PRKAR1B: variants seen among roughly 807,000 people sequenced by gnomAD.
PRKAR1B encodes the protein protein kinase cAMP-dependent type I regulatory subunit beta.
A neutral mutation model predicts 46.5 loss-of-function variants in PRKAR1B; 22 were observed. The ratio of observed to expected loss-of-function variants is 0.47; its 90% CI spans 0.34 to 0.68. PRKAR1B has a LOEUF of 0.68. Among genes scored for constraint, PRKAR1B ranks in the 30% least tolerant of loss-of-function variants. The pLI is 0.01. For synonymous variants in PRKAR1B, 259 were observed against 217.7 expected, an observed-to-expected ratio of 1.19 and a Z score of -1.67; for missense variants, 445 against 535.6, an observed-to-expected ratio of 0.83 and a Z score of 1.67.
chr7:598,049 C>T lies in PRKAR1B; in HGVS notation c.550-1745G>A, dbSNP rs9691589. Among the ~76,000 whole-genome samples the T allele has an allele frequency of 4.9e-3, 743 of 152,312 alleles. 10 individuals are homozygous for T. The highest frequency in any genetic ancestry group is 0.017 in the African/African-American group (698 of 41,570). On this transcript the variant is annotated intron_variant, in intron 6 of 10. Coordinates refer to ENST00000537384, the MANE Select transcript of PRKAR1B (RefSeq NM_001164760.2). ...AGGTGACGGACTCCAGGGTCCACAGCACGTCGTGCTGCCAGGAGCATCCCT... is the reference window on the plus strand; with the variant it reads ...AGGTGACGGACTCCAGGGTCCACAGTACGTCGTGCTGCCAGGAGCATCCCT...
At chr7:646,789 C>T (rs1328041364) in intron 4 of PRKAR1B, among the ~76,000 whole-genome samples, 1 of 152,228 alleles carries the variant, frequency 6.6e-6, no homozygotes, top group Non-Finnish European at 1.5e-5. Flanking sequence ...GTTAACCAAA[C>T]TAAATTAAAA....
At chr7:588,516 A>ATGGTGG (rs1780736396) in intron 7 of PRKAR1B, among the ~76,000 whole-genome samples, 1 of 114,962 alleles carries the variant, frequency 8.7e-6, no homozygotes, top group African/African-American at 3.4e-5. Context: ...GGTGATCACG[A>ATGGTGG]TGATGGTGGT....
intron 2 of PRKAR1B, among the ~76,000 whole-genome samples, chr7:681,174 C>T (rs1357975744): frequency 6.6e-6 from 1 of 152,022 alleles, no homozygotes; most frequent in African/African-American, 2.4e-5. Flanking sequence ...GCTCTGCTTC[C>T]CCCCTGCTGC....
intron 9 of PRKAR1B, among the ~76,000 whole-genome samples, chr7:559,579 G>C (rs1320201848): frequency 6.6e-6 from 1 of 152,164 alleles, no homozygotes; most frequent in Non-Finnish European, 1.5e-5. Flanking sequence ...TCATAGCCCA[G>C]ACCAGAGACC....
At chr7:669,636 C>T (rs540966917) in intron 4 of PRKAR1B, among the ~76,000 whole-genome samples, 3 of 149,852 alleles carry the variant, frequency 2.0e-5, no homozygotes, top group East Asian at 2.0e-4. Flanking sequence ...TGGTGGCGCA[C>T]ACCTGTAATC....
chr7:688,403 CA>C (rs1255374596), intron 2 of PRKAR1B, among the ~76,000 whole-genome samples: 4,512 of 132,776 alleles, frequency 0.034, 95 homozygotes, highest in Non-Finnish European at 0.051. Context: ...GACTCCATCT[CA>C]AAAAAAAAAA....
At chr7:655,355 AG>A (rs1300117067) in intron 4 of PRKAR1B, among the ~76,000 whole-genome samples, 1 of 152,178 alleles carries the variant, frequency 6.6e-6, no homozygotes, top group African/African-American at 2.4e-5. Context: ...TTGGACAACC[AG>A]GCATGCCCCT....
chr7:637,406 G>A (rs1784173641), intron 4 of PRKAR1B, among the ~76,000 whole-genome samples: 1 of 151,116 alleles, frequency 6.6e-6, no homozygotes, highest in Non-Finnish European at 1.5e-5. Flanking sequence ...GAAGGAGTAA[G>A]ACTCTGTCTC....
chr7:678,625 C>T (rs1396718016), intron 3 of PRKAR1B, among the ~76,000 whole-genome samples: 1 of 152,252 alleles, frequency 6.6e-6, no homozygotes, highest in Non-Finnish European at 1.5e-5. Flanking sequence ...GTGAGACCTC[C>T]TGTTGTGCCT....
Position 560,993 on chromosome 7 carries a change from G to A in PRKAR1B, c.892-9523C>T, listed in dbSNP as rs1778749735. Among the ~76,000 whole-genome samples the A allele has an allele frequency of 1.3e-5, 2 of 152,096 alleles. No individual in the cohort carries two copies. Among genetic ancestry groups the A allele is most frequent in the Admixed American group, 6.5e-5 (1 of 15,274 alleles). Reference sequence around the variant, plus strand: ...GCCTGTGTGCTTCTGGACTTAGGCAGAAGCAGAATCCTATACATACACACA... The same window carrying A: ...GCCTGTGTGCTTCTGGACTTAGGCAAAAGCAGAATCCTATACATACACACA... On this transcript the variant is annotated intron_variant, in intron 9 of 10. Coordinates refer to ENST00000537384, the MANE Select transcript of PRKAR1B (RefSeq NM_001164760.2). The surrounding 1 kb of genome is among the most constrained non-coding windows in gnomAD (Gnocchi z 4.2).
intron 4 of PRKAR1B, among the ~76,000 whole-genome samples, chr7:621,562 A>C (rs1254377303): frequency 6.6e-6 from 1 of 152,182 alleles, no homozygotes; most frequent in Admixed American, 6.6e-5. Flanking sequence ...CACGTTTTCC[A>C]CTTAATTCCT....
chr7:584,616 C>T, intron 7 of PRKAR1B, 48 bp from the exon 8 acceptor site: 1 of 1,482,998 alleles, frequency 6.7e-7, no homozygotes. Flanking sequence ...ATCTTCATAC[C>T]TGGATCATCC....
intron 7 of PRKAR1B, among the ~76,000 whole-genome samples, chr7:586,433 C>A (rs1029675008): frequency 1.3e-5 from 2 of 152,340 alleles, no homozygotes; most frequent in Admixed American, 6.5e-5. Context: ...TACTGTGGCT[C>A]CTGCCCTGCT....
intron 4 of PRKAR1B, among the ~76,000 whole-genome samples, chr7:621,431 A>T (rs1235238325): frequency 6.6e-6 from 1 of 152,258 alleles, no homozygotes; most frequent in Non-Finnish European, 1.5e-5. Context: ...CTTTGAAAAA[A>T]GAAAATAAAA....
chr7:592,519 C>T (rs2128454321), intron 7 of PRKAR1B, among the ~76,000 whole-genome samples: 1 of 152,242 alleles, frequency 6.6e-6, no homozygotes, highest in Non-Finnish European at 1.5e-5. Flanking sequence ...CCCTCCTGGC[C>T]CCACTGGCTG....
At position 667,650 on chromosome 7, in the gene PRKAR1B, G is replaced by A. The variant is rs557889323; in HGVS notation, c.440+9579C>T. ...CCTTCACCATGCAGGCAGGGTAGCG[G>A]CAGGTGCAGGTGATGTGTCCTTACA... On this transcript the variant is annotated intron_variant, in intron 4 of 10. Coordinates refer to ENST00000537384, the MANE Select transcript of PRKAR1B (RefSeq NM_001164760.2). This position sits in a 1 kb window ranked among gnomAD's most constrained non-coding sequence, Gnocchi z 4.3. 2.6e-5 allele frequency among the ~76,000 whole-genome samples: 4 copies of A among 152,104 alleles called. No individual in the cohort carries two copies. Among genetic ancestry groups the A allele is most frequent in the Admixed American group, 6.5e-5 (1 of 15,296 alleles).
At chr7:553,153 C>T (rs1017531783) in intron 9 of PRKAR1B, among the ~76,000 whole-genome samples, 1 of 150,782 alleles carries the variant, frequency 6.6e-6, no homozygotes, top group Non-Finnish European at 1.5e-5. Context: ...ACTGTCCCCC[C>T]TGAGACTCCG....
At chr7:583,241 C>T (rs1562536639) in intron 8 of PRKAR1B, among the ~76,000 whole-genome samples, 1 of 152,088 alleles carries the variant, frequency 6.6e-6, no homozygotes, top group African/African-American at 2.4e-5. Flanking sequence ...TGGAAAGACC[C>T]GCACGCTCCT....
chr7:597,611 G>A (rs890807554), intron 6 of PRKAR1B, among the ~76,000 whole-genome samples: 1 of 152,222 alleles, frequency 6.6e-6, no homozygotes, highest in Admixed American at 6.5e-5. Context: ...CGTGGAGGAG[G>A]CAGCAACTCC....
Sources: allele counts gnomAD v4.1 joint callset (sites outside exome capture counted in the v4.1 genomes callset), GRCh38; gene constraint gnomAD v4.1.1; non-coding constraint Gnocchi (gnomAD v3.1); transcripts MANE v1.5; gene names NCBI Gene and HGNC (gene_info 2026-07-23, HGNC 2026-07-21).